P4HA1: variants seen among roughly 807,000 people sequenced by gnomAD.
P4HA1 encodes the protein prolyl 4-hydroxylase subunit alpha 1.
P4HA1 carries 24 observed loss-of-function variants against 72.8 expected under a neutral mutation model. That is an observed-to-expected ratio of 0.33 (90% confidence interval 0.24 to 0.46). The LOEUF (loss-of-function observed/expected upper bound fraction) is 0.46. Among genes scored for constraint, P4HA1 ranks in the 20% least tolerant of loss-of-function variants. The probability of loss-of-function intolerance (pLI) is 1.00; values close to 1 mark genes in which losing one functional copy is unlikely to be tolerated. For synonymous variants in P4HA1, 201 were observed against 218.8 expected (o/e 0.92, Z 0.72); for missense variants, 446 against 640.6 (o/e 0.70, Z 3.28).
intron 7 of P4HA1, 26 bp downstream of exon 7, chr10:73,051,021 TCACATA>T: frequency 6.7e-7 from 1 of 1,486,410 alleles, no homozygotes; most frequent in Non-Finnish European, 9.4e-7. Context: ...ACACACACAT[TCACATA>T]CACACAATTG....
At chr10:73,025,614 G>T (rs1254112917) in intron 10 of P4HA1, among the ~76,000 whole-genome samples, 1 of 151,508 alleles carries the variant, frequency 6.6e-6, no homozygotes, top group African/African-American at 2.4e-5. Flanking sequence ...TCTGGCCAGG[G>T]CAATAAGGCA....
At chr10:73,017,099 A>T (rs776599802) in intron 10 of P4HA1, among the ~76,000 whole-genome samples, 200 bp from the exon 11 acceptor site, 2 of 151,306 alleles carry the variant, frequency 1.3e-5, no homozygotes, top group Non-Finnish European at 2.9e-5. Context: ...CTATGTACAG[A>T]TCTATATCTA....
chr10:73,010,935 A>G (rs747486032), intron 13 of P4HA1, 34 bp downstream of exon 13: 1 of 1,546,888 alleles, frequency 6.5e-7, no homozygotes, highest in East Asian at 2.2e-5. Context: ...TAGGGAAAAA[A>G]TTAATAAACC....
At position 73,064,122 on chromosome 10, in the gene P4HA1, T is replaced by C. The variant is rs188319266; in HGVS notation, c.463+4724A>G. ...ACCAAATTGAATATAATAAACCAAA[T>C]TGAAAGTAAACTAACACTAAAGAGT... On this transcript the variant is annotated intron_variant, in intron 5 of 14. Transcript: ENST00000394890. Among the ~76,000 whole-genome samples, 188 of 152,204 alleles carry C rather than the reference T, an allele frequency of 1.2e-3. 1 individual carries two copies. The highest frequency in any genetic ancestry group is 6.8e-3 in the Middle Eastern group (2 of 294).
At chr10:73,091,354 T>C (rs577819682) in intron 1 of P4HA1, among the ~76,000 whole-genome samples, 13 of 152,038 alleles carry the variant, frequency 8.6e-5, no homozygotes, top group South Asian at 2.1e-4. Flanking sequence ...CAGGCTGGAG[T>C]GGAGTGGAAC....
At chr10:73,024,388 G>C (rs187784071) in intron 10 of P4HA1, among the ~76,000 whole-genome samples, 4 of 152,310 alleles carry the variant, frequency 2.6e-5, no homozygotes, top group Admixed American at 2.6e-4. Context: ...GCTCCTGAAT[G>C]ACTACTGGGT....
chr10:73,017,164 TA>T (rs1379236739), intron 10 of P4HA1, among the ~76,000 whole-genome samples: 23 of 143,098 alleles, frequency 1.6e-4, no homozygotes, highest in African/African-American at 6.0e-4. Context: ...TATCTATATC[TA>T]CAGATGTATA....
chr10:73,041,548 C>T (rs866055591), intron 9 of P4HA1, among the ~76,000 whole-genome samples: 3 of 110,340 alleles, frequency 2.7e-5, no homozygotes, highest in South Asian at 3.0e-4. Flanking sequence ...ATCCCCCCCC[C>T]AAAAAAAAAA....
In P4HA1 at chr10:73,051,101, T is replaced by C. The variant is rs758793770; in HGVS notation, c.852A>G (p.Pro284=). Residue 284 remains proline (P), a synonymous_variant, in exon 7 of 15, where the codon CCA becomes CCG. Transcript: ENST00000394890. ...ACAGCATTTCGTACTTCTGTCTCTC[T>C]GGCAGGTAATCCACAGCAACCCCTT... ...KKKGVAVDYL[P]ERQKYEMLCR... The C allele has an allele frequency of 4.3e-6, 7 of 1,614,066 alleles. No individual in the cohort carries two copies. The highest frequency in any genetic ancestry group is 3.3e-5 in the Admixed American group (2 of 59,992).
At chr10:73,010,902 T>C in intron 13 of P4HA1, 67 bp downstream of exon 13, 2 of 1,079,146 alleles carry the variant, frequency 1.9e-6, no homozygotes, top group Admixed American at 3.9e-5. Flanking sequence ...AATTAGACCA[T>C]GAATACAAGT....
intron 5 of P4HA1, 101 bp from the exon 6 acceptor site, chr10:73,053,691 G>T: frequency 9.7e-7 from 1 of 1,028,556 alleles, no homozygotes; most frequent in Non-Finnish European, 1.4e-6. Context: ...TCTATTTGAA[G>T]TTCACAATAA....
At chr10:73,036,022 C>T (rs1003098681) in intron 9 of P4HA1, among the ~76,000 whole-genome samples, 7 of 151,906 alleles carry the variant, frequency 4.6e-5, no homozygotes, top group Admixed American at 6.6e-5. Flanking sequence ...AACCCCGCCT[C>T]CACTAAAAAT....
intron 1 of P4HA1, among the ~76,000 whole-genome samples, chr10:73,078,600 A>ATTTTTTT (rs770821126): frequency 8.0e-5 from 8 of 99,630 alleles, no homozygotes; most frequent in African/African-American, 3.3e-4. Context: ...GCAGTAGGTA[A>ATTTTTTT]TTTTTTTTTT....
At chr10:73,079,337 C>G (rs1841773462) in intron 1 of P4HA1, among the ~76,000 whole-genome samples, 2 of 152,158 alleles carry the variant, frequency 1.3e-5, no homozygotes, top group Non-Finnish European at 2.9e-5. Flanking sequence ...GTCCCAGCTA[C>G]TCAGTAGGTT....
chr10:73,084,818 T>G (rs561272586), intron 1 of P4HA1, among the ~76,000 whole-genome samples: 8 of 152,278 alleles, frequency 5.3e-5, no homozygotes, highest in African/African-American at 1.7e-4. Context: ...AATTAACACA[T>G]TAAGACCATT....
chr10:73,090,570 TA>T (rs1381863644), intron 1 of P4HA1, among the ~76,000 whole-genome samples: 9 of 152,230 alleles, frequency 5.9e-5, no homozygotes, highest in Non-Finnish European at 1.3e-4. Flanking sequence ...TTTTGCTCAA[TA>T]AAGTCGTTAA....
At chr10:73,060,740 A>G (rs1841293775) in intron 5 of P4HA1, among the ~76,000 whole-genome samples, 1 of 152,260 alleles carries the variant, frequency 6.6e-6, no homozygotes, top group African/African-American at 2.4e-5. Context: ...AAGCCTATCT[A>G]AAGATGCTCC....
chr10:73,094,649 T>TCA (rs1842122043), intron 1 of P4HA1, among the ~76,000 whole-genome samples: 2 of 152,214 alleles, frequency 1.3e-5, no homozygotes, highest in South Asian at 4.1e-4. Context: ...TCCCAGCTCT[T>TCA]GCTGCATCTC....
At chr10:73,021,394 C>G (rs1018679150) in intron 10 of P4HA1, among the ~76,000 whole-genome samples, 1 of 152,106 alleles carries the variant, frequency 6.6e-6, no homozygotes, top group African/African-American at 2.4e-5. Flanking sequence ...CTATTCACAA[C>G]AGCTAACATA....
Sources: allele counts gnomAD v4.1 joint callset (sites outside exome capture counted in the v4.1 genomes callset), GRCh38; gene constraint gnomAD v4.1.1; transcripts MANE v1.5; gene names NCBI Gene and HGNC (gene_info 2026-07-23, HGNC 2026-07-21).